Variants in ARHGAP4 observed in about 807,000 individuals in gnomAD.
The protein encoded by ARHGAP4 is rho GTPase-activating protein 4.
A neutral mutation model predicts 67.6 loss-of-function variants in ARHGAP4; 25 were observed. That is an observed-to-expected ratio of 0.37 (90% confidence interval 0.27 to 0.52). The LOEUF is 0.52. ARHGAP4 is among the 20% of genes least tolerant of loss of function. ARHGAP4 has a pLI of 0.92. For synonymous variants in ARHGAP4, 448 were observed against 373.7 expected, an observed-to-expected ratio of 1.20 and a Z score of -2.29; for missense variants, 804 against 854.6, an observed-to-expected ratio of 0.94 and a Z score of 0.74.
In ARHGAP4 at chrX:153,921,140, T is replaced by C. The variant is rs1557105200; in HGVS notation, c.455A>G (p.Gln152Arg). 8.3e-7 allele frequency: 1 copy of C among 1,203,189 alleles called. No homozygotes were observed. ...CACCTCCAGGAGCTCATCCTGCAGC[T>C]GCTGCTCCAGATCCCTGCTCTAGAG... ...LVKKSRDLEQ[Q>R]LQDELLEVVS... The change falls in exon 4 of 22, where the codon CAG becomes CGG. Residue 152 changes from glutamine to arginine, a missense_variant. Coordinates refer to ENST00000350060, the MANE Select transcript of ARHGAP4 (RefSeq NM_001666.5).
Position 153,909,738 on chromosome X carries a change from C to A in ARHGAP4, c.2414+3G>T. ...CTGGGGCCTGAGGGCGCGGCTCACTCACCCGGCGGGCAGCGTGATATACTT... is the reference window on the plus strand; with the variant it reads ...CTGGGGCCTGAGGGCGCGGCTCACTAACCCGGCGGGCAGCGTGATATACTT... On this transcript the variant is annotated splice_donor_region_variant and intron_variant, in intron 19 of 21. Coordinates refer to ENST00000350060, the MANE Select transcript of ARHGAP4 (RefSeq NM_001666.5). 8.4e-7 allele frequency: 1 copy of A among 1,184,381 alleles called. No homozygotes were observed. The highest frequency in any genetic ancestry group is 2.8e-4 in the Middle Eastern group (1 of 3,619).
At chrX:153,922,473 C>T (rs2065102500) in intron 1 of ARHGAP4, 28 of 731,484 alleles carry the variant, frequency 3.8e-5, no homozygotes, top group Non-Finnish European at 4.5e-5. Flanking sequence ...CCCGCCCCAC[C>T]TGTGCATTCC....
At chrX:153,923,594 A>T (rs2065109248) in intron 1 of ARHGAP4, among the ~76,000 whole-genome samples, 1 of 112,232 alleles carries the variant, frequency 8.9e-6, no homozygotes, top group Non-Finnish European at 1.9e-5. Context: ...GGTAAGTGGA[A>T]GCCTGGGGCA....
At position 153,910,414 on chromosome X, in the gene ARHGAP4, C is replaced by G. The variant is rs928341919; in HGVS notation, c.1923-10G>C. On this transcript the variant is annotated splice_polypyrimidine_tract_variant and intron_variant, in intron 16 of 21. Transcript: ENST00000350060. The stretch of plus-strand genomic sequence containing the variant: ...GCTGTACTGGGCCAGGCTGGGGGGA[C>G]ACGCACATCACAAGCAGAGAGCCCG... 21 of 1,188,974 alleles carry G rather than the reference C, an allele frequency of 1.8e-5. No individual in the cohort carries two copies. The highest frequency in any genetic ancestry group is 2.4e-5 in the Non-Finnish European group (21 of 882,115).
chrX:153,924,400 G>A (rs782133755), intron 1 of ARHGAP4, among the ~76,000 whole-genome samples: 12 of 111,683 alleles, frequency 1.1e-4, no homozygotes, highest in African/African-American at 3.6e-4. Flanking sequence ...CAGAGCTTTC[G>A]GATCTCAGTT....
At chrX:153,915,603 G>C (rs1397438297) in intron 7 of ARHGAP4, among the ~76,000 whole-genome samples, 2 of 111,154 alleles carry the variant, frequency 1.8e-5, no homozygotes, top group Admixed American at 1.9e-4. Flanking sequence ...TAAATAAGTA[G>C]GTTAAAAATA....
chrX:153,915,533 T>C (rs1274099296), intron 7 of ARHGAP4, among the ~76,000 whole-genome samples: 1 of 111,593 alleles, frequency 9.0e-6, no homozygotes, highest in Admixed American at 9.5e-5. Flanking sequence ...GGTAAAACCC[T>C]GACTCTACCA....
At chrX:153,922,493 CAG>C (rs2065102712) in intron 1 of ARHGAP4, 5 of 700,578 alleles carry the variant, frequency 7.1e-6, no homozygotes, top group Non-Finnish European at 6.8e-6. Context: ...CCCCACCCTG[CAG>C]AGAGAGTCAC....
chrX:153,911,251 G>GGT, intron 12 of ARHGAP4, 62 bp from the exon 13 acceptor site: 1 of 561,756 alleles, frequency 1.8e-6, no homozygotes, highest in Non-Finnish European at 2.5e-6. Flanking sequence ...TCATTCAATT[G>GGT]CTTTTTTTTT....
rs2065102260 is a variant in ARHGAP4 at position 153,922,459 on chromosome X, A to AC, written c.68-651dup. Reference sequence around the variant, plus strand: ...CTGACCCCACTTCCCACTCCCAATCACCCCCCGCCCCACCTGTGCATTCCC... The same window carrying AC: ...CTGACCCCACTTCCCACTCCCAATCACCCCCCCGCCCCACCTGTGCATTCCC... On this transcript the variant is annotated intron_variant, in intron 1 of 21. Transcript: ENST00000350060. 6 of 726,529 alleles carry AC rather than the reference A, an allele frequency of 8.3e-6. No homozygotes were observed. The South Asian group carries it at 2.9e-4, about 35-fold the overall frequency. 59.9% of individuals were successfully genotyped at this position (726,529 alleles called of 1,213,427 possible).
At position 153,910,677 on chromosome X, in the gene ARHGAP4, C is replaced by A. The variant is rs907731519; in HGVS notation, c.1816+23G>T. ...CTGCCCCAGCAAGTGCCCTACCCCG[C>A]CAGCCTCAGGCCCCAGCCTCACCCG... On this transcript the variant is annotated intron_variant, in intron 15 of 21. Coordinates refer to ENST00000350060, the MANE Select transcript of ARHGAP4 (RefSeq NM_001666.5). 4 of 1,188,106 alleles carry A rather than the reference C, an allele frequency of 3.4e-6. No homozygotes were observed. The African/African-American group carries it at 7.0e-5, about 21-fold the overall frequency.
intron 7 of ARHGAP4, among the ~76,000 whole-genome samples, chrX:153,917,861 GC>G: frequency 8.9e-6 from 1 of 112,555 alleles, no homozygotes; most frequent in Non-Finnish European, 1.9e-5. Flanking sequence ...AACTAAGAAA[GC>G]TGCTGCCGTG....
rs1557102318 is a variant in ARHGAP4 at position 153,909,744 on chromosome X, G to T, written c.2411C>A (p.Ala804Asp). 2.5e-6 allele frequency: 3 copies of T among 1,187,154 alleles called. No homozygotes were observed. The highest frequency in any genetic ancestry group is 3.5e-5 in the African/African-American group (2 of 57,582). Reference sequence around the variant, plus strand: ...CCTGAGGGCGCGGCTCACTCACCCGGCGGGCAGCGTGATATACTTGTGGGG... The same window carrying T: ...CCTGAGGGCGCGGCTCACTCACCCGTCGGGCAGCGTGATATACTTGTGGGG... Reference protein sequence around the residue: ...LIPHKYITLPAGTEKQVVGAG... With the variant: ...LIPHKYITLPDGTEKQVVGAG... The change falls in exon 19 of 22, where the codon GCC becomes GAC. Residue 804 changes from alanine to aspartate, a missense_variant. Transcript: ENST00000350060.
intron 12 of ARHGAP4, among the ~76,000 whole-genome samples, chrX:153,911,645 C>T (rs1349361110): frequency 5.3e-5 from 6 of 112,250 alleles, no homozygotes; most frequent in Non-Finnish European, 1.1e-4. Context: ...GGTGTGGTGG[C>T]TCATGCCTGT....
chrX:153,923,000 G>A (rs1384157450), intron 1 of ARHGAP4, among the ~76,000 whole-genome samples: 1 of 110,915 alleles, frequency 9.0e-6, no homozygotes, highest in Non-Finnish European at 1.9e-5. Context: ...AGAACAAGCC[G>A]CATCGTTGGA....
At chrX:153,912,210 C>T (rs781933132) in intron 12 of ARHGAP4, among the ~76,000 whole-genome samples, 3 of 108,932 alleles carry the variant, frequency 2.8e-5, no homozygotes, top group Admixed American at 9.9e-5. Context: ...TTAGTAGAGA[C>T]GGGGTTTCAC....
rs1557102837 is a variant in ARHGAP4, at chrX:153,910,549, G to A, written c.1879C>T (p.Pro627Ser). Residue 627 changes from proline to serine, a missense_variant, in exon 16 of 22, where the codon CCG (proline) becomes TCG (serine). Pro to Ser is a moderately conservative substitution (Grantham distance 74). Coordinates refer to ENST00000350060, the MANE Select transcript of ARHGAP4 (RefSeq NM_001666.5). Reference sequence around the variant, plus strand: ...AGGTAGCGCAGAACCACCAGCACCGGCGCGGGCAGCCGCCACAGCAGGCGG... The same window carrying A: ...AGGTAGCGCAGAACCACCAGCACCGACGCGGGCAGCCGCCACAGCAGGCGG... ...VSRLLWRLPA[P>S]VLVVLRYLFT... 1 of 1,205,464 alleles carries A rather than the reference G, an allele frequency of 8.3e-7. No individual in the cohort carries two copies. The highest frequency in any genetic ancestry group is 1.1e-6 in the Non-Finnish European group (1 of 894,171).
At chrX:153,920,998 C>G (rs1371056318) in intron 4 of ARHGAP4, 99 bp downstream of exon 4, 10 of 1,079,340 alleles carry the variant, frequency 9.3e-6, no homozygotes, top group Middle Eastern at 2.5e-4. Context: ...CTGAGCCTGG[C>G]TTGGGGTGAT....
At chrX:153,911,891 C>T (rs2065023427) in intron 12 of ARHGAP4, among the ~76,000 whole-genome samples, 1 of 98,808 alleles carries the variant, frequency 1.0e-5, no homozygotes, top group Admixed American at 1.1e-4. Flanking sequence ...GCCTGGGCAA[C>T]AGTGCAAGAA....
Sources: allele counts gnomAD v4.1 joint callset (sites outside exome capture counted in the v4.1 genomes callset), GRCh38; gene constraint gnomAD v4.1.1; transcripts MANE v1.5; gene names NCBI Gene and HGNC (gene_info 2026-07-23, HGNC 2026-07-21).